Variants in MUC17 observed in about 807,000 individuals in gnomAD.
The protein encoded by MUC17 is mucin 17, cell surface associated.
Under a neutral mutation model 170.3 loss-of-function variants are expected in MUC17, and 190 were observed. That is an observed-to-expected ratio of 1.12 (90% CI 0.99 to 1.26). The LOEUF is 1.26. Ranked by LOEUF, MUC17 falls within the 50% of genes most tolerant of loss-of-function variation. The probability of loss-of-function intolerance (pLI) is 0.00; values close to 1 mark genes in which losing one functional copy is unlikely to be tolerated. For synonymous variants in MUC17, 2,325 were observed against 2,002.5 expected, an observed-to-expected ratio of 1.16 and a Z score of -4.30; for missense variants, 6,415 against 5,530.0, an observed-to-expected ratio of 1.16 and a Z score of -5.08.
At chr7:101,021,667 G>A (rs1794084871) in intron 1 of MUC17, among the ~76,000 whole-genome samples, 2 of 152,042 alleles carry the variant, frequency 1.3e-5, no homozygotes, top group African/African-American at 4.8e-5. Context: ...TTTGTAGAAT[G>A]TGACTTCTCA....
intron 1 of MUC17, among the ~76,000 whole-genome samples, chr7:101,027,352 G>C (rs1020121596): frequency 1.3e-5 from 2 of 151,908 alleles, no homozygotes; most frequent in Admixed American, 6.6e-5. Flanking sequence ...GGCTGGTCTC[G>C]AACTCCTGGT....
rs758043907 is a variant in MUC17, at chr7:101,043,305, C to G, written c.11889C>G (p.Thr3963=). ...VFPATTGAVS[T]PVITSTELNT... Reference sequence around the variant, plus strand: ...CTGCAACAACTGGTGCTGTATCTACCCCTGTGATAACTTCCACTGAACTAA... The same window carrying G: ...CTGCAACAACTGGTGCTGTATCTACGCCTGTGATAACTTCCACTGAACTAA... The change falls in exon 3 of 13, where the codon ACC becomes ACG. Residue 3963 remains threonine (T), a synonymous_variant. Coordinates refer to ENST00000306151, the MANE Select transcript of MUC17 (RefSeq NM_001040105.2). 6 of 1,614,172 alleles carry G rather than the reference C, an allele frequency of 3.7e-6. No homozygotes were observed. The South Asian group carries it at 6.6e-5, about 18-fold the overall frequency.
Position 101,032,652 on chromosome 7 carries a change from C to G in MUC17, c.1236C>G (p.Thr412=), listed in dbSNP as rs202002952. Residue 412 remains threonine (T), a synonymous_variant, in exon 3 of 13, where the codon ACC becomes ACG. Coordinates refer to ENST00000306151, the MANE Select transcript of MUC17 (RefSeq NM_001040105.2). The stretch of plus-strand genomic sequence containing the variant: ...TGGTGGCCAGTTCTGAGGCTAGCAC[C>G]ACTTCAACAATTCCTGTTGACTCCA... The part of the protein sequence containing the change: ...TILVASSEAS[T]TSTIPVDSKT... The G allele has an allele frequency of 3.1e-6, 5 of 1,612,570 alleles. No individual in the cohort carries two copies. Among genetic ancestry groups the G allele is most frequent in the African/African-American group, 1.3e-5 (1 of 74,746 alleles).
Position 101,053,025 on chromosome 7 carries a change from C to A in MUC17, c.13143C>A (p.Thr4381=). 6.2e-7 allele frequency: 1 copy of A among 1,614,132 alleles called. No individual in the cohort carries two copies. The highest frequency in any genetic ancestry group is 8.5e-7 in the Non-Finnish European group (1 of 1,180,018). ...AAACTCACTGGTACAGTGGGGAGAC[C>A]TGTAACCAGGGCACCCAGAAGAGTC... is the stretch of plus-strand genomic sequence containing the variant. ...TTETHWYSGE[T]CNQGTQKSLV... is the part of the protein sequence containing the mutation. The change falls in exon 10 of 13, where the codon ACC becomes ACA. Residue 4381 remains threonine (T), a synonymous_variant. Coordinates refer to ENST00000306151, the MANE Select transcript of MUC17 (RefSeq NM_001040105.2).
intron 1 of MUC17, among the ~76,000 whole-genome samples, chr7:101,029,640 C>A (rs1032654773): frequency 9.9e-5 from 15 of 151,740 alleles, no homozygotes; most frequent in Non-Finnish European, 2.1e-4. Context: ...GCTCTGTTGG[C>A]CAGGCCGGAG....
At position 101,040,501 on chromosome 7, in the gene MUC17, AC is replaced by A; in HGVS notation, c.9086del (p.Thr3029LysfsTer20). ...TTSTEASSSP[T>X]TAEGTGIPIS... ...TTCTACTGAAGCCAGTTCCTCTCCT[AC>A]AACTGCTGAAGGTACCGGCATACCA... On this transcript the variant is annotated frameshift_variant, in exon 3 of 13. Transcript: ENST00000306151. LOFTEE classifies it high-confidence loss of function. 6.2e-7 allele frequency: 1 copy of A among 1,611,778 alleles called. No individual in the cohort carries two copies. The highest frequency in any genetic ancestry group is 8.5e-7 in the Non-Finnish European group (1 of 1,179,068).
chr7:101,054,172 G>A (rs1795009382), intron 11 of MUC17, among the ~76,000 whole-genome samples: 1 of 150,400 alleles, frequency 6.6e-6, no homozygotes, highest in Non-Finnish European at 1.5e-5. Flanking sequence ...AAAATGTTTG[G>A]CTCCACAGCT....
intron 3 of MUC17, among the ~76,000 whole-genome samples, chr7:101,046,304 C>A (rs1794839391): frequency 6.6e-6 from 1 of 152,122 alleles, no homozygotes; most frequent in African/African-American, 2.4e-5. Flanking sequence ...GTGCACTTCC[C>A]CAGACAAAAT....
At chr7:101,025,589 C>T (rs576446160) in intron 1 of MUC17, among the ~76,000 whole-genome samples, 81 of 151,506 alleles carry the variant, frequency 5.3e-4, no homozygotes, top group Non-Finnish European at 1.0e-3. Context: ...GTCAGGAGTT[C>T]GAGACCAGCC....
At chr7:101,029,954 G>A (rs1794247355) in intron 1 of MUC17, among the ~76,000 whole-genome samples, 1 of 151,920 alleles carries the variant, frequency 6.6e-6, no homozygotes, top group South Asian at 2.1e-4. Flanking sequence ...ACTGTACATT[G>A]TATTTTCTAT....
In MUC17 at chr7:101,043,663, A is replaced by G. The variant is rs959424194; in HGVS notation, c.12247A>G (p.Thr4083Ala). The G allele has an allele frequency of 1.2e-6, 2 of 1,614,008 alleles. No individual in the cohort carries two copies. Among genetic ancestry groups the G allele is most frequent in the Non-Finnish European group, 1.7e-6 (2 of 1,179,994 alleles). Residue 4083 changes from threonine to alanine, a missense_variant, in exon 3 of 13, where the codon ACT becomes GCT. By Grantham distance (58) the Thr-to-Ala change is moderately conservative. Transcript: ENST00000306151. ...TPPTTSASST[T>A]VNPEAVTTMT... ...TCCAACAACCTCTGCCTCCTCCACG[A>G]CTGTGAACCCTGAGGCTGTCACCAC...
At position 101,031,210 on chromosome 7, in the gene MUC17, A is replaced by G; in HGVS notation, c.173A>G (p.His58Arg). 2 of 1,612,966 alleles carry G rather than the reference A, an allele frequency of 1.2e-6. No homozygotes were observed. Among genetic ancestry groups the G allele is most frequent in the South Asian group, 1.1e-5 (1 of 90,718 alleles). The change falls in exon 2 of 13, where the codon CAC (histidine) becomes CGC (arginine). Residue 58 changes from histidine (H) to arginine (R), a missense_variant. Coordinates refer to ENST00000306151, the MANE Select transcript of MUC17 (RefSeq NM_001040105.2). ...CGTCAGTGCCAGCAGCTGTCTCAGC[A>G]CGTTAGGACAGGTAAGGCAACAGAC... Reference protein sequence around the residue: ...LNRQCQQLSQHVRTGSAANTA... With the variant: ...LNRQCQQLSQRVRTGSAANTA...
intron 5 of MUC17, 144 bp downstream of exon 5, chr7:101,049,116 C>A (rs10227169): frequency 1.4e-6 from 2 of 1,423,734 alleles, no homozygotes; most frequent in Non-Finnish European, 1.9e-6. Flanking sequence ...CTTGCCAGTG[C>A]AGGAGGGAAG....
rs1794408733 is a variant in MUC17 at position 101,034,753 on chromosome 7, G to C, written c.3337G>C (p.Val1113Leu). ...AAGTGTGCCTGTCAGCACCAGGCTG[G>C]TGGTCAGTTCTGAGGCTAGCACCCT... The part of the protein sequence containing the change: ...LTSVPVSTRL[V>L]VSSEASTLST... Residue 1113 changes from valine to leucine, a missense_variant, in exon 3 of 13, where the codon GTG becomes CTG. Val to Leu is a conservative substitution (Grantham distance 32). Coordinates refer to ENST00000306151, the MANE Select transcript of MUC17 (RefSeq NM_001040105.2). The C allele has an allele frequency of 1.9e-6, 3 of 1,606,896 alleles. No homozygotes were observed. The highest frequency in any genetic ancestry group is 1.3e-5 in the African/African-American group (1 of 74,512).
Position 101,040,490 on chromosome 7 carries a change from G to T in MUC17, c.9074G>T (p.Ser3025Ile), listed in dbSNP as rs759864900. 1 of 1,605,178 alleles carries T rather than the reference G, an allele frequency of 6.2e-7. No homozygotes were observed. Among genetic ancestry groups the T allele is most frequent in the African/African-American group, 1.4e-5 (1 of 72,532 alleles). The stretch of plus-strand genomic sequence containing the variant: ...CCTGTGACCACTTCTACTGAAGCCA[G>T]TTCCTCTCCTACAACTGCTGAAGGT... ...STPVTTSTEA[S>I]SSPTTAEGTG... Residue 3025 changes from serine to isoleucine, a missense_variant, in exon 3 of 13, where the codon AGT (serine) becomes ATT (isoleucine). By Grantham distance (142) the Ser-to-Ile change is moderately radical. Transcript: ENST00000306151.
In MUC17 at chr7:101,050,463, C is replaced by T. The variant is rs546482874; in HGVS notation, c.12723-21C>T. On this transcript the variant is annotated intron_variant, in intron 6 of 12. Coordinates refer to ENST00000306151, the MANE Select transcript of MUC17 (RefSeq NM_001040105.2). ...TAAGCACCCTATTCTGACCCCAGGA[C>T]GTCTTCCCTTCCCTCTTCAGTCTTG... 51 of 1,609,216 alleles carry T rather than the reference C, an allele frequency of 3.2e-5. 1 individual carries two copies. The highest frequency in any genetic ancestry group is 1.7e-4 in the African/African-American group (13 of 74,966).
rs1042163478 is a variant in MUC17 at position 101,029,420 on chromosome 7, C to T, written c.83-1700C>T. On this transcript the variant is annotated intron_variant, in intron 1 of 12. Transcript: ENST00000306151. ...ACACATACTACTTAAATGCCTTTCT[C>T]TGAAGATTCTTATGTCTGTGTCCAT... 2.6e-5 allele frequency among the ~76,000 whole-genome samples: 4 copies of T among 152,020 alleles called. No individual in the cohort carries two copies. In the East Asian group the frequency reaches 5.8e-4, roughly 22 times the overall value.
At position 101,043,246 on chromosome 7, in the gene MUC17, A is replaced by G. The variant is rs1391357002; in HGVS notation, c.11830A>G (p.Thr3944Ala). The part of the protein sequence containing the change: ...TPGTTIFIPS[T>A]PVTSSTADVF... ...TGGGACAACCATTTTTATTCCCAGC[A>G]CTCCTGTCACCAGTTCTACTGCTGA... is the stretch of plus-strand genomic sequence containing the variant. The change falls in exon 3 of 13, where the codon ACT becomes GCT. Residue 3944 changes from threonine (T) to alanine (A), a missense_variant. Thr to Ala is a moderately conservative substitution (Grantham distance 58). Coordinates refer to ENST00000306151, the MANE Select transcript of MUC17 (RefSeq NM_001040105.2). The G allele has an allele frequency of 6.2e-7, 1 of 1,613,882 alleles. No individual in the cohort carries two copies. Among genetic ancestry groups the G allele is most frequent in the Non-Finnish European group, 8.5e-7 (1 of 1,179,972 alleles).
chr7:101,030,613 G>A (rs1794261517), intron 1 of MUC17, among the ~76,000 whole-genome samples: 1 of 152,072 alleles, frequency 6.6e-6, no homozygotes, highest in Non-Finnish European at 1.5e-5. Context: ...CTGTCACCCA[G>A]GCTAGAGTGC....
Sources: allele counts gnomAD v4.1 joint callset (sites outside exome capture counted in the v4.1 genomes callset), GRCh38; gene constraint gnomAD v4.1.1; transcripts MANE v1.5; gene names NCBI Gene and HGNC (gene_info 2026-07-23, HGNC 2026-07-21).